Variants in RAB38 observed in about 807,000 individuals in gnomAD.
The protein encoded by RAB38 is RAB38, member RAS oncogene family.
RAB38 carries 15 observed loss-of-function variants against 18.4 expected under a neutral mutation model. That is an observed-to-expected ratio of 0.82 (90% CI 0.55 to 1.26). RAB38 has a LOEUF of 1.26. RAB38 is among the 50% of genes most tolerant of loss of function. RAB38 has a pLI of 0.00. For synonymous variants in RAB38, 101 were observed against 104.4 expected, an observed-to-expected ratio of 0.97 and a Z score of 0.20; for missense variants, 294 against 267.4, an observed-to-expected ratio of 1.10 and a Z score of -0.69.
the RAB38 span, among the ~76,000 whole-genome samples, chr11:87,858,986 C>A: frequency 6.7e-6 from 1 of 148,240 alleles, no homozygotes; most frequent in African/African-American, 2.5e-5. Context: ...AGCCAAGCAA[C>A]AGACTTAGAA....
the RAB38 span, among the ~76,000 whole-genome samples, chr11:87,831,096 C>T: frequency 6.6e-6 from 1 of 152,232 alleles, no homozygotes; most frequent in African/African-American, 2.4e-5. Flanking sequence ...TGTGAGCTAC[C>T]GTGCCTAGCT....
chr11:88,096,119 T>G, the RAB38 span, among the ~76,000 whole-genome samples: 7 of 151,838 alleles, frequency 4.6e-5, no homozygotes, highest in Non-Finnish European at 1.0e-4. Context: ...CTTCTAATGC[T>G]TCCCCATTTT....
chr11:88,066,424 A>G, the RAB38 span, among the ~76,000 whole-genome samples: 277 of 152,354 alleles, frequency 1.8e-3, 2 homozygotes, highest in Non-Finnish European at 3.7e-4. Flanking sequence ...ACACAACTCT[A>G]TCTCCAATGA....
chr11:88,023,468 A>G, the RAB38 span, among the ~76,000 whole-genome samples: 1 of 152,068 alleles, frequency 6.6e-6, no homozygotes, highest in Admixed American at 6.5e-5. Flanking sequence ...AACTGTCCAT[A>G]TTACCCATAG....
chr11:88,123,689 T>C (rs911809265), intron 2 of RAB38, among the ~76,000 whole-genome samples: 20 of 152,218 alleles, frequency 1.3e-4, no homozygotes, highest in African/African-American at 4.6e-4. Context: ...TCAGTGCATT[T>C]AATAACTAAA....
At chr11:88,088,701 G>T in the RAB38 span, among the ~76,000 whole-genome samples, 1 of 151,818 alleles carries the variant, frequency 6.6e-6, no homozygotes, top group South Asian at 2.1e-4. Flanking sequence ...ATTCCCTTTG[G>T]CCAATTAAAC....
At chr11:88,034,694 A>G in the RAB38 span, among the ~76,000 whole-genome samples, 2 of 151,664 alleles carry the variant, frequency 1.3e-5, no homozygotes, top group Non-Finnish European at 2.9e-5. Context: ...TCCTAATTGG[A>G]TTTTTTTCTT....
chr11:88,017,372 CA>C, the RAB38 span, among the ~76,000 whole-genome samples: 1 of 151,874 alleles, frequency 6.6e-6, no homozygotes, highest in Admixed American at 6.6e-5. Flanking sequence ...CATACACACA[CA>C]CACACACAAA....
At chr11:88,173,622 T>C (rs1943337562) in intron 1 of RAB38, 1 of 985,314 alleles carries the variant, frequency 1.0e-6, no homozygotes, top group Non-Finnish European at 1.2e-6. Flanking sequence ...GTTTAAACAG[T>C]AAGCCGTTTC....
the RAB38 span, among the ~76,000 whole-genome samples, chr11:88,040,681 C>A: frequency 6.6e-6 from 1 of 151,976 alleles, no homozygotes; most frequent in Non-Finnish European, 1.5e-5. Flanking sequence ...CCAGCCTGGA[C>A]AACAGAGGGA....
the RAB38 span, among the ~76,000 whole-genome samples, chr11:87,904,447 A>G: frequency 2.0e-5 from 3 of 151,722 alleles, no homozygotes; most frequent in Admixed American, 6.6e-5. Flanking sequence ...GCTGCATAGT[A>G]TTCTATTGTG....
chr11:88,168,244 G>A (rs1943267904), intron 1 of RAB38, among the ~76,000 whole-genome samples: 1 of 152,154 alleles, frequency 6.6e-6, no homozygotes, highest in East Asian at 1.9e-4. Flanking sequence ...ATATTGCTTT[G>A]ATAAATTGAT....
At chr11:87,874,363 A>G in the RAB38 span, among the ~76,000 whole-genome samples, 2 of 151,678 alleles carry the variant, frequency 1.3e-5, no homozygotes, top group East Asian at 2.0e-4. Context: ...CCCCAAATAT[A>G]TAAAGCACCG....
the RAB38 span, among the ~76,000 whole-genome samples, chr11:87,963,890 C>T: frequency 1.3e-5 from 2 of 152,070 alleles, no homozygotes; most frequent in African/African-American, 2.4e-5. Context: ...TTGTGATCCA[C>T]GCACATCGGC....
chr11:88,072,481 AAGG>A, the RAB38 span, among the ~76,000 whole-genome samples: 1 of 152,206 alleles, frequency 6.6e-6, no homozygotes, highest in African/African-American at 2.4e-5. Flanking sequence ...GAAATGACAG[AAGG>A]AGAAGAGAGA....
the RAB38 span, among the ~76,000 whole-genome samples, chr11:87,973,496 G>T: frequency 6.6e-6 from 1 of 151,980 alleles, no homozygotes; most frequent in Non-Finnish European, 1.5e-5. Context: ...AATGTTCTAG[G>T]TCTGAGGGTA....
chr11:88,019,979 A>T, the RAB38 span, among the ~76,000 whole-genome samples: 1 of 152,180 alleles, frequency 6.6e-6, no homozygotes, highest in African/African-American at 2.4e-5. Context: ...ACATACACAT[A>T]GACCAGTGCC....
At chr11:88,017,716 A>AATATATATTATATATATATATT in the RAB38 span, among the ~76,000 whole-genome samples, 1 of 144,872 alleles carries the variant, frequency 6.9e-6, no homozygotes, top group African/African-American at 2.6e-5. Flanking sequence ...ATATATATAT[A>AATATATATTATATATATATATT]ATATATATTA....
the RAB38 span, among the ~76,000 whole-genome samples, chr11:88,106,668 G>A: frequency 6.6e-6 from 1 of 152,058 alleles, no homozygotes; most frequent in Non-Finnish European, 1.5e-5. Context: ...TTGATGATAT[G>A]GAAAATTTCA....
Sources: gnomAD v4.1 joint callset for allele counts (sites outside exome capture counted in the v4.1 genomes callset) on GRCh38, gnomAD v4.1.1 for gene constraint, MANE v1.5 for transcripts, NCBI Gene and HGNC (gene_info 2026-07-23, HGNC 2026-07-21) for gene names.